The following PKIA variants were observed in gnomAD, a reference collection of about 807,000 sequenced individuals.
PKIA encodes the protein PKI-alpha.
In PKIA, 4 loss-of-function variants were observed where a neutral mutation model predicts 7.6. That is an observed-to-expected ratio of 0.52 (90% CI 0.26 to 1.20). The LOEUF (loss-of-function observed/expected upper bound fraction) is 1.20, where lower values mean the gene tolerates loss of function less well. Ranked by LOEUF, PKIA falls within the 50% of genes most tolerant of loss-of-function variation. The probability of loss-of-function intolerance (pLI) is 0.13; values close to 1 mark genes in which losing one functional copy is unlikely to be tolerated. For missense variants in PKIA, 73 were observed against 86.2 expected (o/e 0.85, Z 0.61); for synonymous variants, 21 against 30.7 (o/e 0.68, Z 1.04).
chr8:78,591,223 A>G (rs1395799211), intron 2 of PKIA: 1 of 152,642 alleles, frequency 6.6e-6, no homozygotes, highest in Non-Finnish European at 1.5e-5. Flanking sequence ...TAGCAACATC[A>G]TAGGCCCAAC....
intron 2 of PKIA, among the ~76,000 whole-genome samples, chr8:78,573,690 C>A (rs1203757844): frequency 6.6e-6 from 1 of 151,896 alleles, no homozygotes; most frequent in African/African-American, 2.4e-5. Context: ...GATCCCTAGT[C>A]AGTACTCAAA....
chr8:78,563,751 C>G (rs1807339038), intron 1 of PKIA, among the ~76,000 whole-genome samples: 2 of 151,932 alleles, frequency 1.3e-5, no homozygotes, highest in African/African-American at 4.8e-5. Flanking sequence ...ATAAAGATAA[C>G]AATTTTGAGA....
Position 78,601,972 on chromosome 8 carries a change from C to A in PKIA, c.*151C>A. On this transcript the variant is annotated 3_prime_UTR_variant, in exon 4 of 4. Transcript: ENST00000396418. Reference sequence around the variant, plus strand: ...CTCATTATCATGTTAAAAATGAGGGCAGAGGCTGTGGCTGCAGGCAGACTT... The same window carrying A: ...CTCATTATCATGTTAAAAATGAGGGAAGAGGCTGTGGCTGCAGGCAGACTT... 1 of 625,912 alleles carries A rather than the reference C, an allele frequency of 1.6e-6. No individual in the cohort carries two copies. Among genetic ancestry groups the A allele is most frequent in the South Asian group, 2.0e-5 (1 of 49,396 alleles). The allele number at this position is 625,912 out of a possible 1,614,324, so 38.8% of individuals were successfully genotyped here.
chr8:78,527,213 G>A (rs1302418092), intron 1 of PKIA, among the ~76,000 whole-genome samples: 2 of 151,912 alleles, frequency 1.3e-5, no homozygotes, highest in East Asian at 1.9e-4. Flanking sequence ...TTTAAATACT[G>A]AACTGATTGG....
chr8:78,553,667 C>A (rs575378580), intron 1 of PKIA, among the ~76,000 whole-genome samples: 2 of 151,584 alleles, frequency 1.3e-5, no homozygotes, highest in Admixed American at 1.3e-4. Context: ...AAGCTGAAAA[C>A]GTGCAGATGC....
rs1338387278 is a variant in PKIA at position 78,604,265 on chromosome 8, A to C, written c.*2444A>C. 6.6e-6 allele frequency: 1 copy of C among 151,974 alleles called. No homozygotes were observed. The highest frequency in any genetic ancestry group is 1.5e-5 in the Non-Finnish European group (1 of 67,936). The allele number at this position is 151,974 out of a possible 1,614,324, so 9.4% of individuals were successfully genotyped here. On this transcript the variant is annotated 3_prime_UTR_variant, in exon 4 of 4. Coordinates refer to ENST00000396418, the MANE Select transcript of PKIA (RefSeq NM_006823.4). ...CTATTCTCCCATTTGATCCTCAAACAATTCTATTAGAGTGGTATTTTTATC... is the reference window on the plus strand; with the variant it reads ...CTATTCTCCCATTTGATCCTCAAACCATTCTATTAGAGTGGTATTTTTATC...
chr8:78,525,288 T>G (rs908067105), intron 1 of PKIA, among the ~76,000 whole-genome samples: 1 of 151,942 alleles, frequency 6.6e-6, no homozygotes, highest in Non-Finnish European at 1.5e-5. Flanking sequence ...TTCTTTTGTC[T>G]GCATCTCTTT....
intron 2 of PKIA, among the ~76,000 whole-genome samples, chr8:78,587,166 G>A (rs1807968064): frequency 6.6e-6 from 1 of 152,100 alleles, no homozygotes; most frequent in Non-Finnish European, 1.5e-5. Flanking sequence ...GAAAATCTAA[G>A]TATTTATTTA....
intron 1 of PKIA, among the ~76,000 whole-genome samples, chr8:78,529,029 G>A (rs1279686383): frequency 6.6e-6 from 1 of 151,952 alleles, no homozygotes; most frequent in South Asian, 2.1e-4. Flanking sequence ...TACTGTTCTG[G>A]TTTCTAGTAA....
At chr8:78,594,259 C>G (rs142851538) in intron 2 of PKIA, among the ~76,000 whole-genome samples, 2 of 151,654 alleles carry the variant, frequency 1.3e-5, no homozygotes, top group African/African-American at 4.8e-5. Context: ...AAAACTGTTA[C>G]GGGTGGAGTA....
intron 2 of PKIA, among the ~76,000 whole-genome samples, chr8:78,588,457 G>C (rs1808012162): frequency 1.3e-5 from 2 of 152,134 alleles, no homozygotes; most frequent in African/African-American, 4.8e-5. Flanking sequence ...TCCAGCCTGG[G>C]TAACAAGAGC....
intron 1 of PKIA, among the ~76,000 whole-genome samples, chr8:78,557,659 A>C (rs1019674751): frequency 7.2e-5 from 11 of 152,154 alleles, no homozygotes; most frequent in African/African-American, 2.7e-4. Context: ...GCTCTTGTCA[A>C]AATGGTATTA....
intron 1 of PKIA, among the ~76,000 whole-genome samples, chr8:78,541,099 C>G (rs1176970959): frequency 6.6e-6 from 1 of 152,140 alleles, no homozygotes; most frequent in Admixed American, 6.6e-5. Context: ...ACCTCAACAT[C>G]TCTGCATTTC....
At chr8:78,581,974 T>C (rs1252692327) in intron 2 of PKIA, among the ~76,000 whole-genome samples, 1 of 152,086 alleles carries the variant, frequency 6.6e-6, no homozygotes, top group East Asian at 1.9e-4. Context: ...TTACTGTCTT[T>C]TTTACTGTCA....
At chr8:78,555,415 T>C (rs541879438) in intron 1 of PKIA, among the ~76,000 whole-genome samples, 4 of 152,114 alleles carry the variant, frequency 2.6e-5, no homozygotes, top group East Asian at 1.9e-4. Context: ...GGCTAAAGGA[T>C]TGAGGTTCTC....
chr8:78,598,611 A>G, intron 3 of PKIA, 76 bp downstream of exon 3: 1 of 1,155,982 alleles, frequency 8.7e-7, no homozygotes, highest in South Asian at 1.4e-5. Context: ...TTAAGGCACG[A>G]AAAGCCATCT....
chr8:78,576,985 G>T (rs1807689333), intron 2 of PKIA, among the ~76,000 whole-genome samples: 3 of 151,962 alleles, frequency 2.0e-5, no homozygotes, highest in Admixed American at 2.0e-4. Flanking sequence ...TATACACCAT[G>T]GAATAGTATG....
chr8:78,589,237 G>T (rs1033113424), intron 2 of PKIA, among the ~76,000 whole-genome samples: 4 of 152,030 alleles, frequency 2.6e-5, no homozygotes, highest in Non-Finnish European at 4.4e-5. Flanking sequence ...GCTATGGAGA[G>T]TAAGAAAGCA....
At chr8:78,582,303 G>T (rs757609548) in intron 2 of PKIA, among the ~76,000 whole-genome samples, 3 of 151,832 alleles carry the variant, frequency 2.0e-5, no homozygotes, top group African/African-American at 7.3e-5. Context: ...CTGAGTCACA[G>T]TTCCACATTG....
Sources: allele counts gnomAD v4.1 joint callset (sites outside exome capture counted in the v4.1 genomes callset), GRCh38; gene constraint gnomAD v4.1.1; transcripts MANE v1.5; gene names NCBI Gene and HGNC (gene_info 2026-07-23, HGNC 2026-07-21).